The following UNC5A variants were observed in gnomAD, a reference collection of about 807,000 sequenced individuals.
UNC5A encodes netrin receptor UNC5A.
A neutral mutation model predicts 87.4 loss-of-function variants in UNC5A; 20 were observed. The observed-to-expected ratio is 0.23, with a 90% confidence interval of 0.16 to 0.33. UNC5A has a LOEUF of 0.33. Among genes scored for constraint, UNC5A ranks in the 10% least tolerant of loss-of-function variants. The probability of loss-of-function intolerance (pLI) is 1.00; values close to 1 mark genes in which losing one functional copy is unlikely to be tolerated. For synonymous variants in UNC5A, 438 were observed against 482.3 expected (o/e 0.91, Z 1.20); for missense variants, 844 against 1,133.4 (o/e 0.74, Z 3.67).
Position 176,810,732 on chromosome 5 carries a change from C to CGCCT in UNC5A, c.-15_-12dup, listed in dbSNP as rs1489784689. The CGCCT allele has an allele frequency of 9.0e-7, 1 of 1,110,288 alleles. No individual in the cohort carries two copies. The highest frequency in any genetic ancestry group is 4.6e-5 in the East Asian group (1 of 21,646). The allele number at this position is 1,110,288 out of a possible 1,614,324, so 68.8% of individuals were successfully genotyped here. On this transcript the variant is annotated 5_prime_UTR_variant, in exon 1 of 15. Transcript: ENST00000329542. The surrounding 1 kb of genome is among the most constrained non-coding windows in gnomAD (Gnocchi z 7.3). ...CGCGGGGCCCCGCGCCCGGCCCGCC[C>CGCCT]GCCTGCCCGCCCGCGGCCATGGCCG...
At chr5:176,850,053 C>T (rs1413717484) in intron 1 of UNC5A, among the ~76,000 whole-genome samples, 1 of 152,216 alleles carries the variant, frequency 6.6e-6, no homozygotes, top group African/African-American at 2.4e-5. Flanking sequence ...ACAGCCAGCC[C>T]TGCGTCAGCA....
chr5:176,856,026 G>A (rs565794399), intron 1 of UNC5A, among the ~76,000 whole-genome samples: 33 of 152,284 alleles, frequency 2.2e-4, no homozygotes, highest in African/African-American at 7.2e-4. Flanking sequence ...GGCGGCAGCC[G>A]CCCTGGGGAA....
chr5:176,858,919 G>A (rs951098860), intron 1 of UNC5A, among the ~76,000 whole-genome samples: 7 of 152,162 alleles, frequency 4.6e-5, no homozygotes, highest in African/African-American at 1.4e-4. Flanking sequence ...GGACACCGAG[G>A]GGGGGACAGA....
chr5:176,817,547 T>C (rs901372240), intron 1 of UNC5A, among the ~76,000 whole-genome samples: 9 of 151,918 alleles, frequency 5.9e-5, no homozygotes, highest in Non-Finnish European at 1.2e-4. Context: ...CAGCTCTGCA[T>C]CTTTCCAGCA....
chr5:176,819,007 T>C (rs148460252), intron 1 of UNC5A, among the ~76,000 whole-genome samples: 6 of 152,358 alleles, frequency 3.9e-5, no homozygotes, highest in East Asian at 3.9e-4. Flanking sequence ...CACTTTCTTA[T>C]AATGAAGGGG....
intron 1 of UNC5A, among the ~76,000 whole-genome samples, chr5:176,834,665 TTCTCTCTCTCTCTCTCTCTCTC>T (rs369472376): frequency 9.9e-6 from 1 of 101,326 alleles, no homozygotes; most frequent in Non-Finnish European, 2.0e-5. Flanking sequence ...ACGTCCCGTC[TTCTCTCTCTCTCTCTCTCTCTC>T]TCTCTCTCTC....
chr5:176,868,799 A>C lies in UNC5A; in HGVS notation c.556A>C (p.Asn186His). 1 of 1,600,458 alleles carries C rather than the reference A, an allele frequency of 6.2e-7. No homozygotes were observed. The highest frequency in any genetic ancestry group is 8.5e-7 in the Non-Finnish European group (1 of 1,170,062). The change falls in exon 5 of 15, where the codon AAC becomes CAC. Residue 186 changes from asparagine to histidine, a missense_variant. This residue lies in a region of UNC5A where 314 missense variants were observed against 466.5 expected (regional missense o/e 0.67). Transcript: ENST00000329542. Reference sequence around the variant, plus strand: ...CCTCCCCTAGGTGGAGTGGCTCCGGAACGAGGACCTGGTGGACCCGTCCCT... The same window carrying C: ...CCTCCCCTAGGTGGAGTGGCTCCGGCACGAGGACCTGGTGGACCCGTCCCT... ...IPPAEVEWLRNEDLVDPSLDP... is the reference protein window; with the variant it reads ...IPPAEVEWLRHEDLVDPSLDP...
At chr5:176,813,667 C>T (rs150016136) in intron 1 of UNC5A, among the ~76,000 whole-genome samples, 7 of 152,338 alleles carry the variant, frequency 4.6e-5, no homozygotes, top group Admixed American at 2.0e-4. Flanking sequence ...CCAGAAGTCA[C>T]GGCCCTCGTT....
chr5:176,849,514 A>T (rs894763104), intron 1 of UNC5A, among the ~76,000 whole-genome samples: 4 of 152,304 alleles, frequency 2.6e-5, no homozygotes, highest in Non-Finnish European at 5.9e-5. Flanking sequence ...CAACCAGGGA[A>T]GTGGAGGTTG....
Position 176,848,562 on chromosome 5 carries a change from C to A in UNC5A, c.71-14062C>A, listed in dbSNP as rs553783934. ...AATTAAAACGGGGTGAGGGCTCATT[C>A]CTGTCTCATCAGGGGTGTGATGGGA... On this transcript the variant is annotated intron_variant, in intron 1 of 14. Coordinates refer to ENST00000329542, the MANE Select transcript of UNC5A (RefSeq NM_133369.3). The surrounding 1 kb of genome is among the most constrained non-coding windows in gnomAD (Gnocchi z 5.8). Among the ~76,000 whole-genome samples the A allele has an allele frequency of 1.3e-5, 2 of 152,286 alleles. No individual in the cohort carries two copies. Among genetic ancestry groups the A allele is most frequent in the African/African-American group, 4.8e-5 (2 of 41,556 alleles).
intron 1 of UNC5A, among the ~76,000 whole-genome samples, chr5:176,830,504 CTG>C (rs1449595527): frequency 5.1e-5 from 6 of 117,876 alleles, no homozygotes; most frequent in African/African-American, 2.1e-4. Flanking sequence ...GTGTGTGCTG[CTG>C]TGTGCTGGCA....
chr5:176,859,194 C>T (rs113549780), intron 1 of UNC5A, among the ~76,000 whole-genome samples: 1,513 of 12,380 alleles, frequency 0.12, 58 homozygotes, highest in Middle Eastern at 0.21. Flanking sequence ...TGCTAGAATG[C>T]CCTTGCTAGA....
At position 176,878,006 on chromosome 5, in the gene UNC5A, A is replaced by T; in HGVS notation, c.1748A>T (p.Glu583Val). The change falls in exon 11 of 15, where the codon GAG becomes GTG. Residue 583 changes from glutamate to valine, a missense_variant. Physicochemically the swap from Glu to Val is moderately radical, Grantham distance 121. This residue lies in a region of UNC5A where 353 missense variants were observed against 387.5 expected (regional missense o/e 0.91). Transcript: ENST00000329542. ...EQLGRFALVG[E>V]ALSVAAAKRL... ...CTGGGCCGCTTTGCCCTGGTGGGAG[A>T]GGCCCTCAGCGTGGCTGCCGCCAAG... The T allele has an allele frequency of 1.2e-6, 2 of 1,607,054 alleles. No individual in the cohort carries two copies. Among genetic ancestry groups the T allele is most frequent in the Non-Finnish European group, 1.7e-6 (2 of 1,179,934 alleles).
At chr5:176,857,500 G>GCACACA (rs144381794) in intron 1 of UNC5A, among the ~76,000 whole-genome samples, 21 of 151,290 alleles carry the variant, frequency 1.4e-4, no homozygotes, top group African/African-American at 5.1e-4. Flanking sequence ...CTACACACAC[G>GCACACA]CACACACACA....
Position 176,874,286 on chromosome 5 carries a change from C to G in UNC5A, c.1098C>G (p.Ile366Met). ...CAGACAACCCCCATCTGCTCACCAT[C>G]CAGCCGGACCTCAGCACCACCACCA... Reference protein sequence around the residue: ...SKADNPHLLTIQPDLSTTTTT... With the variant: ...SKADNPHLLTMQPDLSTTTTT... Residue 366 changes from isoleucine (I) to methionine (M), a missense_variant, in exon 8 of 15, where the codon ATC becomes ATG. By Grantham distance (10) the Ile-to-Met change is conservative (BLOSUM62 1). Around this residue, in one of 3 missense-constraint regions of UNC5A, gnomAD observed 353 missense variants for 387.5 expected, o/e 0.91. Transcript: ENST00000329542. The surrounding 1 kb of genome is among the most constrained non-coding windows in gnomAD (Gnocchi z 7.6). 6.3e-7 allele frequency: 1 copy of G among 1,597,112 alleles called. No homozygotes were observed. Among genetic ancestry groups the G allele is most frequent in the Non-Finnish European group, 8.5e-7 (1 of 1,170,164 alleles).
intron 1 of UNC5A, among the ~76,000 whole-genome samples, chr5:176,860,951 C>G (rs1179025982): frequency 1.3e-5 from 2 of 152,052 alleles, no homozygotes; most frequent in African/African-American, 4.8e-5. Context: ...GGGCAGGCGC[C>G]CAGGGAGGGC....
chr5:176,864,129 CG>C (rs1357756304), intron 2 of UNC5A, among the ~76,000 whole-genome samples: 3 of 151,956 alleles, frequency 2.0e-5, no homozygotes, highest in Non-Finnish European at 4.4e-5. Flanking sequence ...AAGGGCAGGC[CG>C]GGGACCTTGG....
chr5:176,859,065 C>G (rs1264256312), intron 1 of UNC5A, among the ~76,000 whole-genome samples: 1 of 152,182 alleles, frequency 6.6e-6, no homozygotes, highest in African/African-American at 2.4e-5. Context: ...TTAATTTACC[C>G]CACCCATGCC....
intron 2 of UNC5A, 47 bp from the exon 3 acceptor site, chr5:176,868,083 C>T (rs549600836): frequency 1.2e-5 from 19 of 1,589,658 alleles, no homozygotes; most frequent in African/African-American, 2.7e-5. Flanking sequence ...CACACAGAAG[C>T]TCAGGGTGGC....
Sources: allele counts gnomAD v4.1 joint callset (sites outside exome capture counted in the v4.1 genomes callset), GRCh38; gene constraint gnomAD v4.1.1; regional missense constraint gnomAD v4.1.1; non-coding constraint Gnocchi (gnomAD v3.1); transcripts MANE v1.5; gene names NCBI Gene and HGNC (gene_info 2026-07-23, HGNC 2026-07-21).